CAMK2B: variants seen among roughly 807,000 people sequenced by gnomAD.
CAMK2B encodes the protein calcium/calmodulin dependent protein kinase II beta.
In CAMK2B, 27 loss-of-function variants were observed where a neutral mutation model predicts 93.7. That is an observed-to-expected ratio of 0.29 (90% CI 0.21 to 0.40). The LOEUF is 0.40. CAMK2B is among the 10% of genes least tolerant of loss of function. The pLI is 1.00. For synonymous variants in CAMK2B, 374 were observed against 358.8 expected (o/e 1.04, Z -0.48); for missense variants, 568 against 895.8 (o/e 0.63, Z 4.67).
intron 1 of CAMK2B, among the ~76,000 whole-genome samples, chr7:44,284,452 G>A (rs1172156597): frequency 6.6e-6 from 1 of 152,246 alleles, no homozygotes; most frequent in African/African-American, 2.4e-5. Flanking sequence ...GCTTCCCGAC[G>A]GCTGGCAGAG....
intron 3 of CAMK2B, among the ~76,000 whole-genome samples, chr7:44,262,274 A>G (rs1025276753): frequency 2.6e-5 from 4 of 152,046 alleles, no homozygotes; most frequent in African/African-American, 9.7e-5. Context: ...CCCCAAATCC[A>G]CCTGACAGCT....
intron 5 of CAMK2B, among the ~76,000 whole-genome samples, chr7:44,249,848 A>G (rs1584196088): frequency 6.6e-6 from 1 of 151,096 alleles, no homozygotes; most frequent in South Asian, 2.1e-4. Flanking sequence ...AGCTGTCATC[A>G]CCCCCTGACT....
At chr7:44,292,821 A>G (rs1023119147) in intron 1 of CAMK2B, among the ~76,000 whole-genome samples, 1 of 152,184 alleles carries the variant, frequency 6.6e-6, no homozygotes, top group African/African-American at 2.4e-5. Flanking sequence ...GCCACAAGAG[A>G]TGCTTCTGAT....
intron 2 of CAMK2B, among the ~76,000 whole-genome samples, chr7:44,276,430 C>T (rs540533501): frequency 6.6e-6 from 1 of 152,170 alleles, no homozygotes. Flanking sequence ...GGCAGCACCC[C>T]CCCGCCACCC....
Position 44,218,099 on chromosome 7 carries a change from AGGT to A in CAMK2B, c.*1423_*1425del, listed in dbSNP as rs955972816. On this transcript the variant is annotated 3_prime_UTR_variant, in exon 24 of 24. Transcript: ENST00000395749. ...TAGCTGCATCCCTGGCCCACCTAGAAGGTGCCCTCACACGCACTGCAGCCCGCC... is the reference window on the plus strand; with the variant it reads ...TAGCTGCATCCCTGGCCCACCTAGAAGCCCTCACACGCACTGCAGCCCGCC... 6.5e-6 allele frequency: 1 copy of A among 152,692 alleles called. No individual in the cohort carries two copies. Among genetic ancestry groups the A allele is most frequent in the Admixed American group, 6.5e-5 (1 of 15,282 alleles). 9.5% of individuals were successfully genotyped at this position (152,692 alleles called of 1,614,324 possible).
chr7:44,253,324 CT>C (rs1482241082), intron 5 of CAMK2B, among the ~76,000 whole-genome samples: 2 of 151,728 alleles, frequency 1.3e-5, no homozygotes, highest in Non-Finnish European at 2.9e-5. Context: ...AGCAATTCTC[CT>C]GCCTCAGCCT....
At chr7:44,266,001 C>G (rs2096918513) in intron 2 of CAMK2B, among the ~76,000 whole-genome samples, 1 of 152,112 alleles carries the variant, frequency 6.6e-6, no homozygotes, top group African/African-American at 2.4e-5. Context: ...ACTTCCCCTC[C>G]CCCAGTTTTG....
At chr7:44,324,752 A>G (rs1223446414) in intron 1 of CAMK2B, among the ~76,000 whole-genome samples, 1 of 152,008 alleles carries the variant, frequency 6.6e-6, no homozygotes, top group African/African-American at 2.4e-5. Flanking sequence ...CCACACCTCC[A>G]AATTCCTGTT....
Position 44,252,820 on chromosome 7 carries a change from C to T in CAMK2B, c.341+1722G>A, listed in dbSNP as rs111956027. 1.2e-4 allele frequency among the ~76,000 whole-genome samples: 18 copies of T among 152,352 alleles called. No homozygotes were observed. The South Asian group carries it at 2.9e-3, about 25-fold the overall frequency. ...AGCTCAGAGCAGGGGGACAGGGCTC[C>T]GTTCCACTTTCTACTTGTCTTCTAA... On this transcript the variant is annotated intron_variant, in intron 5 of 23. Transcript: ENST00000395749.
chr7:44,236,709 T>A (rs2096629554), intron 13 of CAMK2B, among the ~76,000 whole-genome samples: 1 of 151,998 alleles, frequency 6.6e-6, no homozygotes, highest in African/African-American at 2.4e-5. Context: ...ACCCCCACAG[T>A]CCCCTCTCCT....
chr7:44,247,042 C>A, intron 6 of CAMK2B, 78 bp downstream of exon 6: 1 of 1,196,260 alleles, frequency 8.4e-7, no homozygotes, highest in South Asian at 1.3e-5. Context: ...ACACACTGTC[C>A]AGCCCCTCAC....
chr7:44,273,887 C>G (rs540738303), intron 2 of CAMK2B, among the ~76,000 whole-genome samples: 121 of 152,280 alleles, frequency 7.9e-4, no homozygotes, highest in African/African-American at 2.8e-3. Flanking sequence ...GGCCCAAGGC[C>G]AGGGAGCACA....
At chr7:44,267,632 C>T (rs1294176764) in intron 2 of CAMK2B, among the ~76,000 whole-genome samples, 4 of 152,200 alleles carry the variant, frequency 2.6e-5, no homozygotes, top group African/African-American at 9.7e-5. Context: ...CACATTTACA[C>T]ACCTGCTCCC....
chr7:44,267,403 C>T (rs930653828), intron 2 of CAMK2B, among the ~76,000 whole-genome samples: 7 of 152,110 alleles, frequency 4.6e-5, no homozygotes, highest in Admixed American at 1.3e-4. Flanking sequence ...TAGGAGTTTG[C>T]CTACTCATGC....
At chr7:44,323,601 A>G (rs954234158) in intron 1 of CAMK2B, among the ~76,000 whole-genome samples, 3 of 152,222 alleles carry the variant, frequency 2.0e-5, no homozygotes, top group African/African-American at 7.2e-5. Flanking sequence ...AAGAAGGAAC[A>G]GCCAGAGTGA....
At chr7:44,305,013 CAAGGAA>C (rs780208935) in intron 1 of CAMK2B, among the ~76,000 whole-genome samples, 58 of 150,688 alleles carry the variant, frequency 3.8e-4, no homozygotes, top group Middle Eastern at 3.4e-3. Flanking sequence ...GCATGTATCA[CAAGGAA>C]AATGCCTATA....
chr7:44,299,793 A>G (rs1310874880), intron 1 of CAMK2B, among the ~76,000 whole-genome samples: 1 of 152,160 alleles, frequency 6.6e-6, no homozygotes, highest in Non-Finnish European at 1.5e-5. Context: ...AAGTCAAAAA[A>G]CAATGCATAG....
chr7:44,285,124 T>C (rs560517672), intron 1 of CAMK2B, among the ~76,000 whole-genome samples: 8 of 152,154 alleles, frequency 5.3e-5, no homozygotes, highest in Admixed American at 1.3e-4. Flanking sequence ...TGCCACCCAA[T>C]GGGAGCCACA....
At chr7:44,288,011 C>T (rs774950491) in intron 1 of CAMK2B, among the ~76,000 whole-genome samples, 11 of 152,232 alleles carry the variant, frequency 7.2e-5, no homozygotes, top group Non-Finnish European at 1.6e-4. Context: ...ACACAGTGGG[C>T]TGTGGAGCAT....
Sources: allele counts gnomAD v4.1 joint callset (sites outside exome capture counted in the v4.1 genomes callset), GRCh38; gene constraint gnomAD v4.1.1; transcripts MANE v1.5; gene names NCBI Gene and HGNC (gene_info 2026-07-23, HGNC 2026-07-21).